Variants in CASK observed in about 807,000 individuals in gnomAD.
CASK encodes peripheral plasma membrane protein CASK.
CASK carries 4 observed loss-of-function variants against 82.9 expected under a neutral mutation model. That is an observed-to-expected ratio of 0.05 (90% CI 0.02 to 0.11). The LOEUF is 0.11. Among genes scored for constraint, CASK ranks in the 10% least tolerant of loss-of-function variants. CASK has a pLI of 1.00. For missense variants in CASK, 358 were observed against 720.9 expected, an observed-to-expected ratio of 0.50 and a Z score of 5.76; for synonymous variants, 259 against 253.5, an observed-to-expected ratio of 1.02 and a Z score of -0.20.
At chrX:41,886,852 C>T (rs1263801417) in intron 1 of CASK, among the ~76,000 whole-genome samples, 1 of 111,205 alleles carries the variant, frequency 9.0e-6, no homozygotes, top group African/African-American at 3.3e-5. Flanking sequence ...AATAGGTATG[C>T]TGTAGCGTTA....
chrX:41,759,896 A>T (rs2068968767), intron 3 of CASK, among the ~76,000 whole-genome samples: 1 of 111,779 alleles, frequency 8.9e-6, no homozygotes, highest in Non-Finnish European at 1.9e-5. Flanking sequence ...TTGATTTTTC[A>T]CAATTTCCAG....
At chrX:41,749,328 T>TG (rs2068747359) in intron 3 of CASK, among the ~76,000 whole-genome samples, 1 of 104,602 alleles carries the variant, frequency 9.6e-6, no homozygotes, top group Non-Finnish European at 1.9e-5. Context: ...AATACTGTAG[T>TG]AGCAGCTTTT....
At chrX:41,727,325 A>G in intron 5 of CASK, 1 of 1,206,960 alleles carries the variant, frequency 8.3e-7, no homozygotes, top group South Asian at 1.8e-5. Flanking sequence ...CTATCCATGC[A>G]TGCAAGTATG....
At chrX:41,808,584 A>AG (rs1181731635) in intron 2 of CASK, among the ~76,000 whole-genome samples, 1 of 112,181 alleles carries the variant, frequency 8.9e-6, no homozygotes, top group Non-Finnish European at 1.9e-5. Context: ...AAGAGCTTCT[A>AG]GGGGGGCAGT....
In CASK at chrX:41,542,317, C is replaced by A. The variant is rs181835867; in HGVS notation, c.2155+374G>T. 9.2e-3 allele frequency among the ~76,000 whole-genome samples: 1,038 copies of A among 112,710 alleles called. 10 individuals are homozygous for A. The highest frequency in any genetic ancestry group is 0.015 in the Non-Finnish European group (804 of 53,329). On this transcript the variant is annotated intron_variant, in intron 22 of 26. Transcript: ENST00000378163. The stretch of plus-strand genomic sequence containing the variant: ...CTCAGGGCCACGCCCAAGGGCCAGG[C>A]AGGAGCCAGGCGGGAGGAGATCTGT...
chrX:41,593,980 G>A (rs2065781915), intron 12 of CASK, among the ~76,000 whole-genome samples: 1 of 111,588 alleles, frequency 9.0e-6, no homozygotes, highest in South Asian at 3.7e-4. Flanking sequence ...AAGGTAGCTG[G>A]GTTTTGAGAA....
chrX:41,681,392 T>C (rs891423312), intron 5 of CASK, among the ~76,000 whole-genome samples: 1 of 111,808 alleles, frequency 8.9e-6, no homozygotes, highest in Admixed American at 9.5e-5. Flanking sequence ...TATTAAATCA[T>C]AACCATAAAA....
intron 12 of CASK, among the ~76,000 whole-genome samples, chrX:41,606,015 T>A (rs752653305): frequency 4.5e-5 from 5 of 111,742 alleles, no homozygotes. Context: ...TCCTCAAGAG[T>A]TCGTCATAGC....
chrX:41,824,192 G>T (rs112341624), intron 2 of CASK, among the ~76,000 whole-genome samples: 1 of 111,313 alleles, frequency 9.0e-6, no homozygotes, highest in African/African-American at 3.3e-5. Context: ...TTAAAGGAGG[G>T]GGAAAAAAAA....
intron 2 of CASK, among the ~76,000 whole-genome samples, chrX:41,811,833 C>A (rs1232017281): frequency 1.8e-5 from 2 of 109,647 alleles, no homozygotes; most frequent in African/African-American, 6.7e-5. Flanking sequence ...AAAATTGATA[C>A]ACTGCTAGCA....
chrX:41,898,836 T>C (rs940665887), intron 1 of CASK, among the ~76,000 whole-genome samples: 12 of 112,043 alleles, frequency 1.1e-4, no homozygotes, highest in Admixed American at 3.8e-4. Flanking sequence ...ACTTGTTTTG[T>C]AGCCTAACAT....
chrX:41,870,611 G>T (rs911208322), intron 1 of CASK, among the ~76,000 whole-genome samples: 8 of 112,413 alleles, frequency 7.1e-5, no homozygotes, highest in Non-Finnish European at 1.1e-4. Flanking sequence ...AGTACAGAAA[G>T]AATTAAAATA....
chrX:41,915,025 G>A (rs773102737), intron 1 of CASK, among the ~76,000 whole-genome samples: 1 of 111,460 alleles, frequency 9.0e-6, no homozygotes, highest in African/African-American at 3.3e-5. Context: ...TGTGTTCTTA[G>A]TCCTCAGAGT....
chrX:41,545,933 C>T (rs762453995), intron 21 of CASK, among the ~76,000 whole-genome samples: 11 of 109,491 alleles, frequency 1.0e-4, no homozygotes, highest in Non-Finnish European at 1.1e-4. Flanking sequence ...GTGATCCTTC[C>T]GCCTCAGCTT....
chrX:41,529,664 T>C (rs2064769550), intron 25 of CASK: 1 of 113,590 alleles, frequency 8.8e-6, no homozygotes, highest in African/African-American at 3.2e-5. Flanking sequence ...AAGGAGGGAT[T>C]AGTAGTTAAA....
chrX:41,731,373 T>C (rs1416601544), intron 5 of CASK, among the ~76,000 whole-genome samples: 2 of 112,232 alleles, frequency 1.8e-5, no homozygotes, highest in Non-Finnish European at 3.8e-5. Flanking sequence ...TGAGCCATGA[T>C]TGCACCACTG....
intron 5 of CASK, among the ~76,000 whole-genome samples, chrX:41,725,722 C>G (rs1228270347): frequency 1.8e-5 from 2 of 111,860 alleles, no homozygotes; most frequent in Admixed American, 1.9e-4. Flanking sequence ...AAATATAAGA[C>G]AGAAAAAAGT....
chrX:41,841,993 T>C (rs781583422), intron 2 of CASK, among the ~76,000 whole-genome samples: 29 of 112,073 alleles, frequency 2.6e-4, no homozygotes, highest in African/African-American at 9.4e-4. Flanking sequence ...TAAAATTGCA[T>C]GGTGTTAACT....
intron 10 of CASK, among the ~76,000 whole-genome samples, chrX:41,624,872 C>A (rs1234433462): frequency 9.0e-6 from 1 of 111,211 alleles, no homozygotes; most frequent in Non-Finnish European, 1.9e-5. Context: ...CCCAGGGCCT[C>A]AGTCCCAGTG....
Sources: gnomAD v4.1 joint callset for allele counts (sites outside exome capture counted in the v4.1 genomes callset) on GRCh38, gnomAD v4.1.1 for gene constraint, MANE v1.5 for transcripts, NCBI Gene and HGNC (gene_info 2026-07-23, HGNC 2026-07-21) for gene names.